Variants in RGS6 observed in about 807,000 individuals in gnomAD.
RGS6 encodes the protein regulator of G protein signaling 6.
A neutral mutation model predicts 78.5 loss-of-function variants in RGS6; 30 were observed. That is an observed-to-expected ratio of 0.38 (90% CI 0.29 to 0.52). The LOEUF (loss-of-function observed/expected upper bound fraction) is 0.52, where lower values mean the gene tolerates loss of function less well. Among genes scored for constraint, RGS6 ranks in the 20% least tolerant of loss-of-function variants. The pLI is 0.85. For synonymous variants in RGS6, 206 were observed against 206.0 expected (o/e 1.00, Z 0.00); for missense variants, 495 against 609.7 (o/e 0.81, Z 1.98).
At chr14:72,311,756 G>C (rs1440258382) in intron 2 of RGS6, among the ~76,000 whole-genome samples, 1 of 152,122 alleles carries the variant, frequency 6.6e-6, no homozygotes, top group East Asian at 1.9e-4. Flanking sequence ...GGGTTTTATT[G>C]CCATCATTGA....
intron 2 of RGS6, among the ~76,000 whole-genome samples, chr14:72,308,810 A>T (rs1210645234): frequency 1.3e-5 from 2 of 152,226 alleles, no homozygotes; most frequent in Non-Finnish European, 2.9e-5. Context: ...AGAATGAGCT[A>T]GAAAGGAAAA....
chr14:71,948,086 G>A lies in RGS6; in HGVS notation c.-21+15145G>A, dbSNP rs562726960. 3.4e-4 allele frequency among the ~76,000 whole-genome samples: 52 copies of A among 152,274 alleles called. No individual in the cohort carries two copies. In the South Asian group the frequency reaches 0.011, roughly 32 times the overall value. The stretch of plus-strand genomic sequence containing the variant: ...GAATTCAGGCTTAGCTGGATCCAGG[G>A]ACTTAGATGATGTGGTCAGCACTCT... On this transcript the variant is annotated intron_variant, in intron 1 of 17. Coordinates refer to ENST00000553525, the MANE Select transcript of RGS6 (RefSeq NM_001204424.2).
intron 2 of RGS6, among the ~76,000 whole-genome samples, chr14:72,275,283 T>C (rs1436895832): frequency 2.6e-5 from 4 of 152,230 alleles, no homozygotes. Flanking sequence ...GATGGCAGTT[T>C]TAGTCACTTA....
chr14:72,385,166 G>A (rs1474665805), intron 3 of RGS6, among the ~76,000 whole-genome samples: 1 of 152,126 alleles, frequency 6.6e-6, no homozygotes, highest in Non-Finnish European at 1.5e-5. Context: ...TCCATGAATG[G>A]AATTATTTGA....
At chr14:72,593,867 G>A in the RGS6 span, among the ~76,000 whole-genome samples, 1 of 148,836 alleles carries the variant, frequency 6.7e-6, no homozygotes, top group African/African-American at 2.5e-5. Context: ...AAGCTGAACC[G>A]CCCAGGTGAT....
intron 2 of RGS6, among the ~76,000 whole-genome samples, chr14:72,336,894 T>C (rs1274895563): frequency 2.0e-5 from 3 of 152,172 alleles, no homozygotes; most frequent in Non-Finnish European, 4.4e-5. Context: ...TCCCTCTGTG[T>C]GTGCCTGTCT....
In RGS6 at chr14:72,095,989, C is replaced by T. The variant is rs1192536221; in HGVS notation, c.84+131114C>T. ...GGAACCTTAAAAATAATGAGGAGGG[C>T]CGGGTGCAGTGGCTCACGCCTGTAA... On this transcript the variant is annotated intron_variant, in intron 2 of 17. Transcript: ENST00000553525. Among the ~76,000 whole-genome samples the T allele has an allele frequency of 2.0e-5, 3 of 152,156 alleles. No homozygotes were observed. In the East Asian group the frequency reaches 5.8e-4, roughly 29 times the overall value.
intron 2 of RGS6, among the ~76,000 whole-genome samples, chr14:72,080,698 T>C (rs1350814131): frequency 6.6e-6 from 1 of 152,142 alleles, no homozygotes; most frequent in Non-Finnish European, 1.5e-5. Context: ...TTCTTGTATA[T>C]GGTATGAGAT....
At chr14:72,455,156 G>A (rs2095598971) in intron 4 of RGS6, among the ~76,000 whole-genome samples, 1 of 151,880 alleles carries the variant, frequency 6.6e-6, no homozygotes, top group Admixed American at 6.6e-5. Flanking sequence ...AGGAAATGGG[G>A]GGGGTGTTCC....
At chr14:72,129,707 TG>T (rs1210535221) in intron 2 of RGS6, among the ~76,000 whole-genome samples, 1 of 152,138 alleles carries the variant, frequency 6.6e-6, no homozygotes, top group Non-Finnish European at 1.5e-5. Context: ...TCTAACATAG[TG>T]TGGCTCAGGG....
chr14:72,461,985 G>A (rs1028127836), intron 6 of RGS6, among the ~76,000 whole-genome samples: 2 of 152,048 alleles, frequency 1.3e-5, no homozygotes, highest in African/African-American at 2.4e-5. Context: ...GGGTGGGGTC[G>A]GTATTATTGC....
chr14:72,520,849 C>G (rs1476700333), intron 15 of RGS6, among the ~76,000 whole-genome samples: 2 of 152,216 alleles, frequency 1.3e-5, no homozygotes, highest in South Asian at 2.1e-4. Context: ...CCAGTTGGCT[C>G]TTTCTGACAC....
At chr14:72,044,733 T>C (rs1254499425) in intron 2 of RGS6, among the ~76,000 whole-genome samples, 1 of 151,670 alleles carries the variant, frequency 6.6e-6, no homozygotes, top group African/African-American at 2.4e-5. Context: ...ATAAGCTGAG[T>C]GTGGTGGTGG....
At chr14:72,148,763 G>T (rs2096642500) in intron 2 of RGS6, among the ~76,000 whole-genome samples, 1 of 152,208 alleles carries the variant, frequency 6.6e-6, no homozygotes, top group Admixed American at 6.5e-5. Context: ...GATAAAACAA[G>T]ATTTAGGAGG....
At chr14:72,302,785 T>C (rs1595544570) in intron 2 of RGS6, among the ~76,000 whole-genome samples, 1 of 152,126 alleles carries the variant, frequency 6.6e-6, no homozygotes, top group Admixed American at 6.5e-5. Context: ...GGCTTGGCTG[T>C]CCCCAGCCAG....
intron 17 of RGS6, among the ~76,000 whole-genome samples, chr14:72,548,214 ATCCAGACC>A (rs1441956453): frequency 6.6e-6 from 1 of 152,188 alleles, no homozygotes; most frequent in Non-Finnish European, 1.5e-5. Context: ...ACATTCAAAG[ATCCAGACC>A]TCCAAAGTGT....
At chr14:72,148,011 G>A (rs1030918657) in intron 2 of RGS6, among the ~76,000 whole-genome samples, 2 of 151,564 alleles carry the variant, frequency 1.3e-5, no homozygotes, top group Non-Finnish European at 2.9e-5. Context: ...GGCGTCTGTA[G>A]TCCCAGCTAT....
chr14:72,465,618 A>ATGGG (rs371968253), intron 6 of RGS6, 140 bp from the exon 7 acceptor site: 48 of 471,380 alleles, frequency 1.0e-4, no homozygotes, highest in African/African-American at 5.4e-4. Flanking sequence ...GGATGGGTGG[A>ATGGG]TGGGTGGATG....
chr14:72,545,711 G>A (rs905761267), intron 17 of RGS6, among the ~76,000 whole-genome samples: 2 of 152,178 alleles, frequency 1.3e-5, no homozygotes, highest in Non-Finnish European at 1.5e-5. Flanking sequence ...TACAAAGCCT[G>A]GACATGCACT....
Sources: allele counts gnomAD v4.1 joint callset (sites outside exome capture counted in the v4.1 genomes callset), GRCh38; gene constraint gnomAD v4.1.1; transcripts MANE v1.5; gene names NCBI Gene and HGNC (gene_info 2026-07-23, HGNC 2026-07-21).